Variants in GLP2R observed in about 807,000 individuals in gnomAD.
GLP2R encodes the protein glucagon like peptide 2 receptor.
Under a neutral mutation model 68.2 loss-of-function variants are expected in GLP2R, and 59 were observed. The observed-to-expected ratio is 0.87, with a 90% CI of 0.70 to 1.07. The LOEUF (loss-of-function observed/expected upper bound fraction) is 1.07, where lower values mean the gene tolerates loss of function less well. Ranked by LOEUF, GLP2R falls within the 50% of genes least tolerant of loss-of-function variation. The probability of loss-of-function intolerance (pLI) is 0.00; values close to 1 mark genes in which losing one functional copy is unlikely to be tolerated. For missense variants in GLP2R, 548 were observed against 677.4 expected (o/e 0.81, Z 2.12); for synonymous variants, 270 against 265.4 (o/e 1.02, Z -0.17).
At chr17:9,881,060 TG>T (rs2152048342) in intron 11 of GLP2R, among the ~76,000 whole-genome samples, 1 of 152,332 alleles carries the variant, frequency 6.6e-6, no homozygotes, top group Admixed American at 6.5e-5. Context: ...TGTCTTAAGA[TG>T]GCAATTTTTA....
intron 7 of GLP2R, 69 bp from the exon 8 acceptor site, chr17:9,861,070 G>C: frequency 9.4e-7 from 1 of 1,064,762 alleles, no homozygotes. Context: ...AGCCTCATCC[G>C]CTGTGGTGGG....
chr17:9,857,562 T>A lies in GLP2R; in HGVS notation c.751T>A (p.Ser251Thr), dbSNP rs2066945699. Reference sequence around the variant, plus strand: ...GCCTGACAATGAGAATGGGTGGATGTCCTACCTGTCAGAGGTAATCCCCTT... The same window carrying A: ...GCCTGACAATGAGAATGGGTGGATGACCTACCTGTCAGAGGTAATCCCCTT... ...KRPDNENGWMSYLSEMSTSCR... is the reference protein window; with the variant it reads ...KRPDNENGWMTYLSEMSTSCR... Residue 251 changes from serine to threonine, a missense_variant, in exon 6 of 13, where the codon TCC (serine) becomes ACC (threonine). Transcript: ENST00000262441. The A allele has an allele frequency of 6.2e-7, 1 of 1,614,182 alleles. No homozygotes were observed. Among genetic ancestry groups the A allele is most frequent in the Non-Finnish European group, 8.5e-7 (1 of 1,180,016 alleles).
intron 10 of GLP2R, among the ~76,000 whole-genome samples, chr17:9,879,506 A>T (rs2067174708): frequency 6.6e-6 from 1 of 151,928 alleles, no homozygotes; most frequent in Non-Finnish European, 1.5e-5. Context: ...CTTAAAAAAA[A>T]TTAACTTCCT....
At chr17:9,886,176 C>T (rs1316319170) in intron 11 of GLP2R, among the ~76,000 whole-genome samples, 1 of 152,242 alleles carries the variant, frequency 6.6e-6, no homozygotes, top group African/African-American at 2.4e-5. Context: ...TCAGCCCTAA[C>T]AGCTTCCTTT....
intron 10 of GLP2R, among the ~76,000 whole-genome samples, chr17:9,874,890 C>T (rs1238954224): frequency 3.3e-5 from 5 of 152,166 alleles, no homozygotes; most frequent in African/African-American, 9.7e-5. Flanking sequence ...CTGCCCACAG[C>T]ACCACCTACC....
intron 11 of GLP2R, among the ~76,000 whole-genome samples, chr17:9,881,099 A>G (rs887866304): frequency 1.3e-5 from 2 of 152,200 alleles, no homozygotes; most frequent in Non-Finnish European, 2.9e-5. Context: ...TCTGGGAGTT[A>G]GGAATCTAGG....
At position 9,872,952 on chromosome 17, in the gene GLP2R, C is replaced by T. The variant is rs571568445; in HGVS notation, c.1145+2117C>T. The stretch of plus-strand genomic sequence containing the variant: ...TTGCTAGTTGGAGCTTTGGTCCAAA[C>T]ATTTTGCAAGAAACCCGTAGCCCTG... On this transcript the variant is annotated intron_variant, in intron 10 of 12. Coordinates refer to ENST00000262441, the MANE Select transcript of GLP2R (RefSeq NM_004246.3). Among the ~76,000 whole-genome samples the T allele has an allele frequency of 2.6e-5, 4 of 152,310 alleles. No homozygotes were observed. The East Asian group carries it at 5.8e-4, about 22-fold the overall frequency.
chr17:9,868,638 G>A (rs570333997), intron 9 of GLP2R, among the ~76,000 whole-genome samples: 46 of 152,262 alleles, frequency 3.0e-4, no homozygotes, highest in African/African-American at 1.1e-3. Flanking sequence ...AAGCCCAGAT[G>A]AGCAGAGGCT....
chr17:9,884,882 A>G (rs1342851884), intron 11 of GLP2R, among the ~76,000 whole-genome samples: 2 of 152,028 alleles, frequency 1.3e-5, no homozygotes, highest in Admixed American at 6.6e-5. Flanking sequence ...TTAGAGGGGG[A>G]AAAAAAACTC....
intron 4 of GLP2R, among the ~76,000 whole-genome samples, chr17:9,850,018 G>A (rs1383755029): frequency 6.6e-6 from 1 of 152,156 alleles, no homozygotes; most frequent in African/African-American, 2.4e-5. Context: ...CTAGAAGTGG[G>A]ATCACTGGAT....
At chr17:9,831,645 C>T (rs1346364634) in intron 1 of GLP2R, among the ~76,000 whole-genome samples, 3 of 152,140 alleles carry the variant, frequency 2.0e-5, no homozygotes, top group African/African-American at 7.2e-5. Flanking sequence ...TGAAGGAGCA[C>T]GACTTGGGAC....
At chr17:9,831,182 A>G (rs1465203635) in intron 1 of GLP2R, among the ~76,000 whole-genome samples, 1 of 152,192 alleles carries the variant, frequency 6.6e-6, no homozygotes, top group African/African-American at 2.4e-5. Context: ...GGCCCTAGAA[A>G]ACATTTGAGC....
At chr17:9,871,188 T>C (rs2067089174) in intron 10 of GLP2R, among the ~76,000 whole-genome samples, 2 of 152,022 alleles carry the variant, frequency 1.3e-5, no homozygotes, top group Non-Finnish European at 2.9e-5. Flanking sequence ...GACAACATGG[T>C]GAAACCCCGT....
At chr17:9,873,203 C>T (rs1209953253) in intron 10 of GLP2R, among the ~76,000 whole-genome samples, 1 of 152,144 alleles carries the variant, frequency 6.6e-6, no homozygotes, top group African/African-American at 2.4e-5. Context: ...ACCAGGGTGC[C>T]CCAGAAAGTG....
At chr17:9,836,251 T>C (rs887387386) in intron 2 of GLP2R, 120 bp from the exon 3 acceptor site, 3 of 692,282 alleles carry the variant, frequency 4.3e-6, no homozygotes, top group Non-Finnish European at 7.9e-6. Flanking sequence ...TGCTGGTTTC[T>C]GCACAGGTTA....
At chr17:9,840,314 G>A (rs1194199994) in intron 3 of GLP2R, among the ~76,000 whole-genome samples, 1 of 152,188 alleles carries the variant, frequency 6.6e-6, no homozygotes, top group Non-Finnish European at 1.5e-5. Flanking sequence ...TTCTGTCTTA[G>A]CATTTATAAT....
chr17:9,873,509 A>G (rs796084428), intron 10 of GLP2R, among the ~76,000 whole-genome samples: 2 of 133,946 alleles, frequency 1.5e-5, no homozygotes, highest in South Asian at 4.7e-4. Context: ...ATGGAAGGAC[A>G]TTTTTGCTTA....
At chr17:9,866,764 A>G (rs549307830) in intron 9 of GLP2R, 9 of 152,306 alleles carry the variant, frequency 5.9e-5, no homozygotes, top group Middle Eastern at 3.4e-3. Context: ...TCATCAGACT[A>G]TGACTGAACC....
chr17:9,873,451 A>G (rs1316299878), intron 10 of GLP2R, among the ~76,000 whole-genome samples: 1 of 152,014 alleles, frequency 6.6e-6, no homozygotes, highest in Non-Finnish European at 1.5e-5. Flanking sequence ...TTCTGACTCC[A>G]TAAATGCGGG....
Sources: allele counts gnomAD v4.1 joint callset (sites outside exome capture counted in the v4.1 genomes callset), GRCh38; gene constraint gnomAD v4.1.1; transcripts MANE v1.5; gene names NCBI Gene and HGNC (gene_info 2026-07-23, HGNC 2026-07-21).